AUTS2: variants seen among roughly 807,000 people sequenced by gnomAD.
The protein encoded by AUTS2 is activator of transcription and developmental regulator AUTS2.
Under a neutral mutation model 112.4 loss-of-function variants are expected in AUTS2, and 17 were observed. That is an observed-to-expected ratio of 0.15 (90% CI 0.10 to 0.23). The LOEUF is 0.23. Among genes scored for constraint, AUTS2 ranks in the 10% least tolerant of loss-of-function variants. AUTS2 has a pLI of 1.00. For synonymous variants in AUTS2, 751 were observed against 702.7 expected (o/e 1.07, Z -1.09); for missense variants, 1,510 against 1,701.6 (o/e 0.89, Z 1.98).
At chr7:69,908,851 A>G (rs1795247866) in intron 2 of AUTS2, among the ~76,000 whole-genome samples, 1 of 152,160 alleles carries the variant, frequency 6.6e-6, no homozygotes, top group Non-Finnish European at 1.5e-5. Flanking sequence ...TAGGGAACAT[A>G]CAGAATAATG....
chr7:70,632,839 C>T (rs563787192), intron 5 of AUTS2, among the ~76,000 whole-genome samples: 7 of 152,248 alleles, frequency 4.6e-5, no homozygotes, highest in Admixed American at 2.0e-4. Context: ...CTGCAGAGGA[C>T]ACAGACCCCC....
chr7:70,051,632 T>C (rs555171174), intron 2 of AUTS2, among the ~76,000 whole-genome samples: 16 of 152,008 alleles, frequency 1.1e-4, no homozygotes, highest in Non-Finnish European at 2.2e-4. Flanking sequence ...GGCAGGAGAA[T>C]CACTTGAACC....
At chr7:69,697,470 A>T (rs190585793) in intron 1 of AUTS2, among the ~76,000 whole-genome samples, 3 of 152,234 alleles carry the variant, frequency 2.0e-5, no homozygotes, top group African/African-American at 7.2e-5. Flanking sequence ...TCGTGATTCA[A>T]TATGAGAAGT....
chr7:69,633,722 T>C (rs181867863), intron 1 of AUTS2, among the ~76,000 whole-genome samples: 1 of 152,348 alleles, frequency 6.6e-6, no homozygotes, highest in East Asian at 1.9e-4. Context: ...CCTTTTCATA[T>C]GTCTATTGGC....
chr7:70,637,424 G>GT (rs1805587141), intron 5 of AUTS2, among the ~76,000 whole-genome samples: 1 of 152,174 alleles, frequency 6.6e-6, no homozygotes. Flanking sequence ...TAAATTCAAA[G>GT]TAAGGGACAC....
rs528413216 is a variant in AUTS2, at chr7:70,012,286, G to A, written c.523-105846G>A. ...CCACATTGTTCTCTCTTGCCCCTGGGCCCTGGCGTCCAGGGTAATTTTTGT... is the reference window on the plus strand; with the variant it reads ...CCACATTGTTCTCTCTTGCCCCTGGACCCTGGCGTCCAGGGTAATTTTTGT... On this transcript the variant is annotated intron_variant, in intron 2 of 18. Transcript: ENST00000342771. Among the ~76,000 whole-genome samples the A allele has an allele frequency of 2.6e-5, 4 of 152,242 alleles. No homozygotes were observed. In the East Asian group the frequency reaches 7.8e-4, roughly 30 times the overall value.
At chr7:70,362,006 A>G (rs188002055) in intron 4 of AUTS2, among the ~76,000 whole-genome samples, 5 of 152,340 alleles carry the variant, frequency 3.3e-5, no homozygotes, top group African/African-American at 4.8e-5. Context: ...GTTAGAGTCT[A>G]CAAAGTGATT....
intron 4 of AUTS2, among the ~76,000 whole-genome samples, chr7:70,367,665 A>C (rs2129629342): frequency 6.6e-6 from 1 of 152,322 alleles, no homozygotes; most frequent in East Asian, 1.9e-4. Flanking sequence ...TAGAAGAGGA[A>C]TATTCATCAA....
intron 1 of AUTS2, among the ~76,000 whole-genome samples, chr7:69,756,058 A>G (rs1400143198): frequency 1.3e-5 from 2 of 152,220 alleles, no homozygotes; most frequent in Admixed American, 6.5e-5. Context: ...GACAAGTAAC[A>G]CTGGCATTGT....
chr7:69,632,931 A>T (rs1409756396), intron 1 of AUTS2, among the ~76,000 whole-genome samples: 1 of 152,162 alleles, frequency 6.6e-6, no homozygotes, highest in East Asian at 1.9e-4. Context: ...AAAGGTTACT[A>T]TATATAGTGA....
chr7:70,687,183 G>A (rs561220336), intron 5 of AUTS2, among the ~76,000 whole-genome samples: 3 of 152,254 alleles, frequency 2.0e-5, no homozygotes, highest in South Asian at 2.1e-4. Context: ...AATGCAGGTC[G>A]CTAGACCCCA....
intron 2 of AUTS2, among the ~76,000 whole-genome samples, chr7:70,115,113 C>T (rs2129572078): frequency 6.6e-6 from 1 of 152,094 alleles, no homozygotes; most frequent in East Asian, 1.9e-4. Flanking sequence ...TTGCCCTTAG[C>T]CTAGATCAAC....
chr7:70,275,539 G>T (rs1787887987), intron 4 of AUTS2, among the ~76,000 whole-genome samples: 1 of 151,904 alleles, frequency 6.6e-6, no homozygotes, highest in African/African-American at 2.4e-5. Flanking sequence ...TGGTTAGAAT[G>T]GTAAAAAAAA....
chr7:70,204,486 T>C (rs770210165), intron 4 of AUTS2, among the ~76,000 whole-genome samples: 11 of 152,224 alleles, frequency 7.2e-5, no homozygotes, highest in Non-Finnish European at 1.6e-4. Flanking sequence ...ATATGTTTTG[T>C]CGGGGGGTGG....
intron 1 of AUTS2, among the ~76,000 whole-genome samples, chr7:69,881,729 A>C (rs1291290165): frequency 6.6e-6 from 1 of 152,200 alleles, no homozygotes; most frequent in Non-Finnish European, 1.5e-5. Flanking sequence ...GCCCTGTCTC[A>C]GAACTTTCTC....
At chr7:70,731,515 T>C (rs1192830870) in intron 6 of AUTS2, among the ~76,000 whole-genome samples, 8 of 141,796 alleles carry the variant, frequency 5.6e-5, no homozygotes, top group East Asian at 4.9e-4. Context: ...CTGCAAGCTC[T>C]GCCTCCCGGG....
At chr7:70,274,171 T>C (rs1787823726) in intron 4 of AUTS2, among the ~76,000 whole-genome samples, 1 of 152,140 alleles carries the variant, frequency 6.6e-6, no homozygotes, top group South Asian at 2.1e-4. Flanking sequence ...TATATTTGCC[T>C]TAAGTTCTTG....
intron 5 of AUTS2, 45 bp from the exon 6 acceptor site, chr7:70,698,524 A>G (rs765630201): frequency 1.9e-5 from 28 of 1,506,078 alleles, no homozygotes; most frequent in Non-Finnish European, 2.5e-5. Context: ...TGATGACAAT[A>G]TTAATGACAA....
intron 2 of AUTS2, among the ~76,000 whole-genome samples, chr7:70,048,257 C>T (rs922202179): frequency 3.3e-5 from 5 of 152,152 alleles, no homozygotes; most frequent in Non-Finnish European, 5.9e-5. Context: ...CCTCACTTCC[C>T]GGGCTCTTCT....
Sources: gnomAD v4.1 joint callset for allele counts (sites outside exome capture counted in the v4.1 genomes callset) on GRCh38, gnomAD v4.1.1 for gene constraint, MANE v1.5 for transcripts, NCBI Gene and HGNC (gene_info 2026-07-23, HGNC 2026-07-21) for gene names.